The following COL19A1 variants were observed in gnomAD, a reference collection of about 807,000 sequenced individuals.
COL19A1 encodes the protein collagen alpha-1(XIX) chain.
In COL19A1, 159 loss-of-function variants were observed where a neutral mutation model predicts 190.2. The observed-to-expected ratio is 0.84, with a 90% confidence interval of 0.73 to 0.95. The LOEUF is 0.95. Among genes scored for constraint, COL19A1 ranks in the 40% least tolerant of loss-of-function variants. The pLI is 0.00. For missense variants in COL19A1, 1,418 were observed against 1,431.9 expected (o/e 0.99, Z 0.16); for synonymous variants, 509 against 458.9 (o/e 1.11, Z -1.39).
At chr6:69,889,523 A>G (rs1769181962) in intron 2 of COL19A1, among the ~76,000 whole-genome samples, 1 of 152,138 alleles carries the variant, frequency 6.6e-6, no homozygotes, top group African/African-American at 2.4e-5. Flanking sequence ...ACCAATCAGC[A>G]CTCTGTAAAA....
chr6:69,889,456 C>G (rs965481302), intron 2 of COL19A1, among the ~76,000 whole-genome samples: 7 of 152,168 alleles, frequency 4.6e-5, no homozygotes, highest in Non-Finnish European at 7.4e-5. Flanking sequence ...AACTGGACTT[C>G]CTGGGTCAAG....
Position 70,121,865 on chromosome 6 carries a change from T to G in COL19A1, c.1279-15T>G, listed in dbSNP as rs1354976025. ...AAATGTGTATATATTTGTCTTTGATTTGTTTATAATACAGGGACCTCCTGG... is the reference window on the plus strand; with the variant it reads ...AAATGTGTATATATTTGTCTTTGATGTGTTTATAATACAGGGACCTCCTGG... On this transcript the variant is annotated splice_polypyrimidine_tract_variant and intron_variant, in intron 16 of 50. Coordinates refer to ENST00000620364, the MANE Select transcript of COL19A1 (RefSeq NM_001858.6). The G allele has an allele frequency of 6.6e-7, 1 of 1,519,320 alleles. No individual in the cohort carries two copies. Among genetic ancestry groups the G allele is most frequent in the Non-Finnish European group, 9.0e-7 (1 of 1,116,780 alleles). 94.1% of individuals were successfully genotyped at this position (1,519,320 alleles called of 1,614,324 possible).
intron 2 of COL19A1, among the ~76,000 whole-genome samples, chr6:69,898,263 C>A (rs192123270): frequency 2.0e-5 from 3 of 152,208 alleles, no homozygotes; most frequent in Admixed American, 6.5e-5. Flanking sequence ...ACTGAATTAG[C>A]CTGATTCAAT....
intron 16 of COL19A1, among the ~76,000 whole-genome samples, chr6:70,108,434 A>C (rs1386225920): frequency 6.6e-6 from 1 of 152,160 alleles, no homozygotes; most frequent in Non-Finnish European, 1.5e-5. Flanking sequence ...AACATGGGGC[A>C]ACAGCTCCAT....
At chr6:70,143,591 C>T (rs1786404238) in intron 23 of COL19A1, among the ~76,000 whole-genome samples, 1 of 151,994 alleles carries the variant, frequency 6.6e-6, no homozygotes, top group African/African-American at 2.4e-5. Flanking sequence ...TTCTATTCTC[C>T]ATGCTCACCG....
intron 14 of COL19A1, among the ~76,000 whole-genome samples, chr6:70,057,860 A>G (rs1780594064): frequency 1.3e-5 from 2 of 152,092 alleles, no homozygotes; most frequent in Non-Finnish European, 2.9e-5. Flanking sequence ...AAGTACCAAG[A>G]GAAATGCAAA....
intron 11 of COL19A1, among the ~76,000 whole-genome samples, chr6:69,982,189 T>C (rs898667698): frequency 2.6e-5 from 4 of 152,112 alleles, no homozygotes; most frequent in Non-Finnish European, 5.9e-5. Flanking sequence ...CTACACTTTT[T>C]TATTTTTATT....
intron 2 of COL19A1, among the ~76,000 whole-genome samples, chr6:69,889,155 A>C (rs1307358293): frequency 1.3e-5 from 2 of 152,186 alleles, no homozygotes; most frequent in African/African-American, 2.4e-5. Flanking sequence ...AACTGCCATG[A>C]GCTTTGTCAC....
chr6:70,061,169 G>T (rs181255100), intron 14 of COL19A1, among the ~76,000 whole-genome samples: 38 of 152,136 alleles, frequency 2.5e-4, no homozygotes, highest in Admixed American at 2.2e-3. Flanking sequence ...TTGTTAGTTT[G>T]GGAATAGATA....
chr6:70,198,888 A>T (rs1165860779), intron 48 of COL19A1, among the ~76,000 whole-genome samples: 1 of 152,162 alleles, frequency 6.6e-6, no homozygotes, highest in Admixed American at 6.5e-5. Context: ...AGTCATTTGA[A>T]GGCTTGACTA....
At chr6:69,910,724 A>C (rs1406090497) in intron 4 of COL19A1, among the ~76,000 whole-genome samples, 1 of 152,096 alleles carries the variant, frequency 6.6e-6, no homozygotes, top group Non-Finnish European at 1.5e-5. Flanking sequence ...CCTATGAATC[A>C]ATCTTGTAAG....
intron 9 of COL19A1, 60 bp downstream of exon 9, chr6:69,938,160 A>G (rs1456261835): frequency 2.0e-6 from 3 of 1,486,042 alleles, no homozygotes; most frequent in Non-Finnish European, 2.8e-6. Context: ...TGACTTAAAA[A>G]TGTGTTCATC....
At chr6:69,921,332 AT>A (rs1188627090) in intron 4 of COL19A1, among the ~76,000 whole-genome samples, 5 of 130,950 alleles carry the variant, frequency 3.8e-5, no homozygotes, top group African/African-American at 1.1e-4. Flanking sequence ...CATATATCAT[AT>A]ATCTATATAT....
At chr6:70,074,462 A>C (rs1192989144) in intron 15 of COL19A1, among the ~76,000 whole-genome samples, 7 of 142,464 alleles carry the variant, frequency 4.9e-5, no homozygotes, top group Non-Finnish European at 1.0e-4. Flanking sequence ...TTGTGCCACT[A>C]TACTCCAGCC....
Position 70,188,065 on chromosome 6 carries a change from T to C in COL19A1, c.2857-10T>C, listed in dbSNP as rs762989306. The C allele has an allele frequency of 2.5e-6, 4 of 1,612,382 alleles. No individual in the cohort carries two copies. The South Asian group carries it at 4.4e-5, about 18-fold the overall frequency. On this transcript the variant is annotated splice_polypyrimidine_tract_variant and intron_variant, in intron 46 of 50. Transcript: ENST00000620364. ...GAGATTATTCTTTGTTATTATTTTT[T>C]CCTTAACAGGGTGATCAGGGGATTC... is the stretch of plus-strand genomic sequence containing the variant.
intron 1 of COL19A1, among the ~76,000 whole-genome samples, chr6:69,879,232 TAA>T (rs537545814): frequency 1.3e-5 from 2 of 152,044 alleles, no homozygotes; most frequent in Admixed American, 6.6e-5. Flanking sequence ...TGTTTAAAAA[TAA>T]AAAAGTGTCA....
chr6:70,121,320 C>G (rs1784869159), intron 16 of COL19A1, among the ~76,000 whole-genome samples: 1 of 152,148 alleles, frequency 6.6e-6, no homozygotes, highest in Admixed American at 6.5e-5. Flanking sequence ...TGAATTATTT[C>G]CAGGTCAACT....
In COL19A1 at chr6:70,185,006, G is replaced by C. The variant is rs543592574; in HGVS notation, c.2856+91G>C. The stretch of plus-strand genomic sequence containing the variant: ...TACACAATTATGTGTGTAGACCCCT[G>C]CAAATCACCAAATCTATAAAGGCTA... On this transcript the variant is annotated intron_variant, in intron 46 of 50. Coordinates refer to ENST00000620364, the MANE Select transcript of COL19A1 (RefSeq NM_001858.6). The C allele has an allele frequency of 1.7e-3, 2,015 of 1,199,460 alleles. 4 individuals are homozygous for C. The highest frequency in any genetic ancestry group is 1.9e-3 in the Non-Finnish European group (1,659 of 852,780). The allele number at this position is 1,199,460 out of a possible 1,614,324, so 74.3% of individuals were successfully genotyped here.
intron 31 of COL19A1, among the ~76,000 whole-genome samples, chr6:70,152,024 T>C (rs1319791064): frequency 6.6e-6 from 1 of 152,088 alleles, no homozygotes; most frequent in Non-Finnish European, 1.5e-5. Context: ...TACCTCTTTT[T>C]TTTTTTTATC....
Sources: gnomAD v4.1 joint callset for allele counts (sites outside exome capture counted in the v4.1 genomes callset) on GRCh38, gnomAD v4.1.1 for gene constraint, MANE v1.5 for transcripts, NCBI Gene and HGNC (gene_info 2026-07-23, HGNC 2026-07-21) for gene names.